ANXA8: variants seen among roughly 807,000 people sequenced by gnomAD.
ANXA8 encodes the protein VAC-beta.
ANXA8 carries 9 observed loss-of-function variants against 26.8 expected under a neutral mutation model. The ratio of observed to expected loss-of-function variants is 0.34; its 90% CI spans 0.20 to 0.59. The LOEUF (loss-of-function observed/expected upper bound fraction) is 0.59, where lower values mean the gene tolerates loss of function less well. ANXA8 is among the 20% of genes least tolerant of loss of function. The pLI is 0.84. For synonymous variants in ANXA8, 39 were observed against 94.8 expected, an observed-to-expected ratio of 0.41 and a Z score of 3.42; for missense variants, 83 against 238.5, an observed-to-expected ratio of 0.35 and a Z score of 4.29.
the ANXA8 span, among the ~76,000 whole-genome samples, chr10:47,546,188 A>T: frequency 7.1e-6 from 1 of 140,490 alleles, no homozygotes; most frequent in Non-Finnish European, 1.5e-5. Flanking sequence ...ACAGAAAACC[A>T]ACCTCTTCTT....
At chr10:47,938,819 T>C in the ANXA8 span, among the ~76,000 whole-genome samples, 8,863 of 123,198 alleles carry the variant, frequency 0.072, 18 homozygotes, top group South Asian at 0.081. Context: ...ATTCCTCCTC[T>C]GGGGAGAGTT....
At chr10:47,679,979 GT>G in the ANXA8 span, among the ~76,000 whole-genome samples, 23 of 148,204 alleles carry the variant, frequency 1.6e-4, no homozygotes, top group African/African-American at 2.8e-4. Flanking sequence ...TCGGTTTTTT[GT>G]TTTTTTTTTT....
chr10:47,491,547 C>T, the ANXA8 span: 4 of 1,421,528 alleles, frequency 2.8e-6, no homozygotes, highest in African/African-American at 3.0e-5. Context: ...CTCCCACAGA[C>T]CCAGTCTGCC....
chr10:47,657,874 A>T, the ANXA8 span, among the ~76,000 whole-genome samples: 3 of 151,270 alleles, frequency 2.0e-5, no homozygotes, highest in African/African-American at 7.4e-5. Flanking sequence ...ACATAGACCT[A>T]TTTATTGGCT....
At chr10:47,666,596 T>G in the ANXA8 span, among the ~76,000 whole-genome samples, 8 of 151,942 alleles carry the variant, frequency 5.3e-5, no homozygotes, top group Non-Finnish European at 1.0e-4. Flanking sequence ...TTTTATGTTT[T>G]TCTTTTACAG....
At chr10:47,981,411 A>ACTT in the ANXA8 span, among the ~76,000 whole-genome samples, 2 of 124,770 alleles carry the variant, frequency 1.6e-5, no homozygotes, top group Admixed American at 1.7e-4. Context: ...CATGCTCACC[A>ACTT]CTTCTATTCA....
the ANXA8 span, among the ~76,000 whole-genome samples, chr10:47,699,344 CAAAAAAAAAAAA>C: frequency 1.0e-3 from 56 of 54,212 alleles, no homozygotes; most frequent in African/African-American, 3.5e-3. Context: ...ATTCTGTCTC[CAAAAAAAAAAAA>C]AAAAAAAAAA....
At chr10:47,693,987 A>G in the ANXA8 span, among the ~76,000 whole-genome samples, 2 of 151,732 alleles carry the variant, frequency 1.3e-5, no homozygotes, top group Non-Finnish European at 2.9e-5. Flanking sequence ...ATCCTGGACC[A>G]TGGTCATTTT....
chr10:47,708,511 T>G, the ANXA8 span, among the ~76,000 whole-genome samples: 1 of 141,468 alleles, frequency 7.1e-6, no homozygotes, highest in African/African-American at 2.5e-5. Flanking sequence ...CAATACACAC[T>G]GGGGACTACT....
At chr10:47,696,805 A>G in the ANXA8 span, among the ~76,000 whole-genome samples, 3 of 149,600 alleles carry the variant, frequency 2.0e-5, no homozygotes, top group South Asian at 2.1e-4. Flanking sequence ...TCTATAGACC[A>G]TTTCTCCAGA....
chr10:47,528,352 A>G, the ANXA8 span, among the ~76,000 whole-genome samples: 20 of 137,616 alleles, frequency 1.5e-4, no homozygotes, highest in African/African-American at 4.7e-4. Context: ...GTCTGGGATT[A>G]CAGGCGTGAG....
chr10:47,559,180 C>A, the ANXA8 span, among the ~76,000 whole-genome samples: 4 of 84,318 alleles, frequency 4.7e-5, no homozygotes, highest in South Asian at 1.6e-3. Context: ...GAGGCGGAGT[C>A]TCAAACCGTC....
At chr10:47,551,526 T>G in the ANXA8 span, among the ~76,000 whole-genome samples, 2 of 151,854 alleles carry the variant, frequency 1.3e-5, no homozygotes, top group African/African-American at 2.4e-5. Flanking sequence ...CTATAAATTC[T>G]TGTATCTTGG....
the ANXA8 span, among the ~76,000 whole-genome samples, chr10:47,636,519 T>C: frequency 6.9e-6 from 1 of 145,406 alleles, no homozygotes; most frequent in Non-Finnish European, 1.5e-5. Flanking sequence ...TTTTTAGAAG[T>C]TTTATTGAGG....
chr10:47,529,107 T>C, the ANXA8 span, among the ~76,000 whole-genome samples: 5 of 144,674 alleles, frequency 3.5e-5, no homozygotes, highest in African/African-American at 5.0e-5. Context: ...ACTAACATGC[T>C]ATGCCACAAT....
chr10:47,966,614 G>T, the ANXA8 span, among the ~76,000 whole-genome samples: 10 of 148,466 alleles, frequency 6.7e-5, no homozygotes, highest in African/African-American at 2.5e-4. Context: ...CAAGAGGCAG[G>T]AGCCAAGTGG....
At chr10:47,690,880 C>G in the ANXA8 span, 3 of 1,611,594 alleles carry the variant, frequency 1.9e-6, no homozygotes, top group Non-Finnish European at 2.5e-6. Context: ...GTCTGAAGCT[C>G]TATCTAGAGT....
the ANXA8 span, among the ~76,000 whole-genome samples, chr10:47,670,596 C>T: frequency 6.6e-6 from 1 of 151,924 alleles, no homozygotes. Flanking sequence ...TTTTGATTTG[C>T]ATTTCCCCAG....
upstream of ANXA8, among the ~76,000 whole-genome samples, chr10:47,485,041 A>G (rs2943000): frequency 2.7e-4 from 40 of 149,620 alleles, 1 homozygote; most frequent in Middle Eastern, 3.5e-3. Flanking sequence ...ACCCCTGTAT[A>G]TGCAATATTT....
Sources: allele counts gnomAD v4.1 joint callset (sites outside exome capture counted in the v4.1 genomes callset), GRCh38; gene constraint gnomAD v4.1.1; transcripts MANE v1.5; gene names NCBI Gene and HGNC (gene_info 2026-07-23, HGNC 2026-07-21).